The following ABCC3 variants were observed in gnomAD, a reference collection of about 807,000 sequenced individuals.
The protein encoded by ABCC3 is ATP binding cassette subfamily C member 3.
Under a neutral mutation model 165.3 loss-of-function variants are expected in ABCC3, and 121 were observed. The ratio of observed to expected loss-of-function variants is 0.73; its 90% CI spans 0.63 to 0.85. The LOEUF (loss-of-function observed/expected upper bound fraction) is 0.85, where lower values mean the gene tolerates loss of function less well. Ranked by LOEUF, ABCC3 falls within the 40% of genes least tolerant of loss-of-function variation. The probability of loss-of-function intolerance (pLI) is 0.00; values close to 1 mark genes in which losing one functional copy is unlikely to be tolerated. For synonymous variants in ABCC3, 733 were observed against 810.1 expected (o/e 0.90, Z 1.62); for missense variants, 1,869 against 1,964.1 (o/e 0.95, Z 0.92).
At chr17:50,654,468 A>G (rs1331638754) in intron 1 of ABCC3, among the ~76,000 whole-genome samples, 1 of 152,242 alleles carries the variant, frequency 6.6e-6, no homozygotes, top group Non-Finnish European at 1.5e-5. Context: ...CCAGTAAAGT[A>G]ACCAACCATC....
chr17:50,650,331 T>C (rs908125007), intron 1 of ABCC3, among the ~76,000 whole-genome samples: 1 of 152,164 alleles, frequency 6.6e-6, no homozygotes, highest in Non-Finnish European at 1.5e-5. Context: ...GGGCTCGAAC[T>C]CCTGACCTCA....
chr17:50,664,276 G>A (rs1036948878), intron 10 of ABCC3, 165 bp downstream of exon 10: 9 of 879,422 alleles, frequency 1.0e-5, no homozygotes, highest in East Asian at 2.6e-5. Flanking sequence ...GCTGCAGTGC[G>A]CCACGATTGT....
intron 1 of ABCC3, among the ~76,000 whole-genome samples, chr17:50,655,222 A>G (rs1597845299): frequency 6.6e-6 from 1 of 151,090 alleles, no homozygotes; most frequent in South Asian, 2.1e-4. Context: ...CCTGGCCAAC[A>G]TGGTGAAACC....
intron 3 of ABCC3, 42 bp from the exon 4 acceptor site, chr17:50,657,004 A>G: frequency 5.0e-6 from 8 of 1,599,988 alleles, no homozygotes; most frequent in Non-Finnish European, 6.8e-6. Flanking sequence ...GCAGGTCCAG[A>G]TGTGTGTGTT....
At chr17:50,640,562 T>C (rs2054219080) in intron 1 of ABCC3, among the ~76,000 whole-genome samples, 1 of 152,188 alleles carries the variant, frequency 6.6e-6, no homozygotes, top group African/African-American at 2.4e-5. Flanking sequence ...TCTGCCACCC[T>C]GGCTGGAGTG....
In ABCC3 at chr17:50,655,878, G is replaced by T; in HGVS notation, c.92G>T (p.Cys31Phe). 1 of 1,613,956 alleles carries T rather than the reference G, an allele frequency of 6.2e-7. No individual in the cohort carries two copies. The highest frequency in any genetic ancestry group is 8.5e-7 in the Non-Finnish European group (1 of 1,179,990). ...VHTENPDLTP[C>F]FQNSLLAWVP... The stretch of plus-strand genomic sequence containing the variant: ...ACAGAAAACCCGGACCTCACTCCCT[G>T]CTTCCAGAACTCCCTGCTGGCCTGG... Residue 31 changes from cysteine to phenylalanine, a missense_variant, in exon 2 of 31, where the codon TGC (cysteine) becomes TTC (phenylalanine). Coordinates refer to ENST00000285238, the MANE Select transcript of ABCC3 (RefSeq NM_003786.4).
intron 1 of ABCC3, among the ~76,000 whole-genome samples, chr17:50,653,039 C>A (rs988500444): frequency 6.6e-6 from 1 of 152,142 alleles, no homozygotes; most frequent in Non-Finnish European, 1.5e-5. Flanking sequence ...ACTTCTGACA[C>A]CAATCTGTTA....
chr17:50,656,511 G>A (rs1967251602), intron 2 of ABCC3, among the ~76,000 whole-genome samples, 191 bp from the exon 3 acceptor site: 1 of 152,224 alleles, frequency 6.6e-6, no homozygotes, highest in Non-Finnish European at 1.5e-5. Context: ...CCCCACTTGG[G>A]AAAGTTTAAG....
chr17:50,663,464 T>G, intron 8 of ABCC3: 1 of 592,686 alleles, frequency 1.7e-6, no homozygotes, highest in Non-Finnish European at 3.0e-6. Context: ...GCAGGGTCCA[T>G]GGTGGATAGA....
In ABCC3 at chr17:50,676,099, G is replaced by A. The variant is rs1211160637; in HGVS notation, c.3067+9G>A. 1 of 1,614,100 alleles carries A rather than the reference G, an allele frequency of 6.2e-7. No homozygotes were observed. Among genetic ancestry groups the A allele is most frequent in the South Asian group, 1.1e-5 (1 of 91,068 alleles). On this transcript the variant is annotated intron_variant, in intron 22 of 30. Coordinates refer to ENST00000285238, the MANE Select transcript of ABCC3 (RefSeq NM_003786.4). ...TTTAGGAATTCTGCAAGGTGAGCTT[G>A]TGGGGGTGTCCAGAAGGGGCTCCAA...
At chr17:50,660,787 T>A in intron 7 of ABCC3, 136 bp from the exon 8 acceptor site, 1 of 685,164 alleles carries the variant, frequency 1.5e-6, no homozygotes, top group Non-Finnish European at 2.4e-6. Flanking sequence ...TTATGCTGTC[T>A]GTTCCCCTCC....
Position 50,675,418 on chromosome 17 carries a change from C to T in ABCC3, c.2656C>T (p.His886Tyr). 2 of 1,614,108 alleles carry T rather than the reference C, an allele frequency of 1.2e-6. No homozygotes were observed. The highest frequency in any genetic ancestry group is 1.7e-6 in the Non-Finnish European group (2 of 1,179,994). ...GCTGATTGAAGACACACTCAGCAAC[C>T]ACACGGATCTGACAGACAATGATCC... ...ALLIEDTLSN[H>Y]TDLTDNDPVT... Residue 886 changes from histidine to tyrosine, a missense_variant, in exon 20 of 31, where the codon CAC becomes TAC. Physicochemically the swap from His to Tyr is moderately conservative, Grantham distance 83. Coordinates refer to ENST00000285238, the MANE Select transcript of ABCC3 (RefSeq NM_003786.4).
intron 1 of ABCC3, among the ~76,000 whole-genome samples, chr17:50,639,620 G>A (rs2054209305): frequency 1.3e-5 from 2 of 152,128 alleles, no homozygotes; most frequent in Non-Finnish European, 2.9e-5. Flanking sequence ...GACCTGGTAT[G>A]CCATTGCTGG....
At chr17:50,644,084 G>A (rs917502412) in intron 1 of ABCC3, among the ~76,000 whole-genome samples, 9 of 150,472 alleles carry the variant, frequency 6.0e-5, no homozygotes, top group Admixed American at 2.6e-4. Context: ...AGGCTGAGGC[G>A]GGCGGATCAC....
Position 50,687,647 on chromosome 17 carries a change from C to T in ABCC3, c.4392C>T (p.Ile1464=). The T allele has an allele frequency of 1.2e-6, 2 of 1,614,254 alleles. No individual in the cohort carries two copies. Residue 1464 remains isoleucine (I), a synonymous_variant, in exon 30 of 31, where the codon ATC becomes ATT. Coordinates refer to ENST00000285238, the MANE Select transcript of ABCC3 (RefSeq NM_003786.4). The stretch of plus-strand genomic sequence containing the variant: ...TCGACCTGGAGACTGACAACCTCAT[C>T]CAGGCTACCATCCGCACCCAGTTTG... ...AAIDLETDNL[I]QATIRTQFDT... is the part of the protein sequence containing the mutation.
chr17:50,669,368 T>G lies in ABCC3; in HGVS notation c.2081T>G (p.Val694Gly). Reference protein sequence around the residue: ...KVHMKGSVAYVPQQAWIQNCT... With the variant: ...KVHMKGSVAYGPQQAWIQNCT... ...TGTGGCCAGGGCTCCGTGGCCTATGTGCCCCAGCAGGCATGGATCCAGAAC... is the reference window on the plus strand; with the variant it reads ...TGTGGCCAGGGCTCCGTGGCCTATGGGCCCCAGCAGGCATGGATCCAGAAC... The change falls in exon 17 of 31, where the codon GTG becomes GGG. Residue 694 changes from valine to glycine, a missense_variant. Coordinates refer to ENST00000285238, the MANE Select transcript of ABCC3 (RefSeq NM_003786.4). 6.2e-7 allele frequency: 1 copy of G among 1,614,256 alleles called. No individual in the cohort carries two copies. The highest frequency in any genetic ancestry group is 8.5e-7 in the Non-Finnish European group (1 of 1,180,040).
chr17:50,671,463 A>G (rs1466781072), intron 17 of ABCC3, among the ~76,000 whole-genome samples: 1 of 152,054 alleles, frequency 6.6e-6, no homozygotes, highest in Non-Finnish European at 1.5e-5. Context: ...TAGGAATTTG[A>G]CTACTTAGTA....
At chr17:50,668,593 G>T in intron 14 of ABCC3, 76 bp downstream of exon 14, 2 of 1,211,748 alleles carry the variant, frequency 1.7e-6, no homozygotes, top group Non-Finnish European at 2.4e-6. Context: ...CTTTTCCTTT[G>T]TTCTCTCCTG....
chr17:50,660,193 T>G (rs1459352666), intron 7 of ABCC3, among the ~76,000 whole-genome samples: 1 of 152,084 alleles, frequency 6.6e-6, no homozygotes, highest in African/African-American at 2.4e-5. Flanking sequence ...TTCTGCCTCC[T>G]CCTGTCTGGA....
Sources: gnomAD v4.1 joint callset for allele counts (sites outside exome capture counted in the v4.1 genomes callset) on GRCh38, gnomAD v4.1.1 for gene constraint, MANE v1.5 for transcripts, NCBI Gene and HGNC (gene_info 2026-07-23, HGNC 2026-07-21) for gene names.